RRP1B: variants seen among roughly 807,000 people sequenced by gnomAD.
The protein encoded by RRP1B is ribosomal RNA processing 1B, also known as ribosomal RNA processing protein 1 homolog B.
Under a neutral mutation model 80.2 loss-of-function variants are expected in RRP1B, and 56 were observed. The observed-to-expected ratio is 0.70, with a 90% CI of 0.56 to 0.87. The LOEUF is 0.87. RRP1B is among the 40% of genes least tolerant of loss of function. The pLI, the probability that RRP1B is intolerant of heterozygous loss-of-function variation, is 0.00. For synonymous variants in RRP1B, 351 were observed against 357.6 expected (o/e 0.98, Z 0.21); for missense variants, 807 against 939.8 (o/e 0.86, Z 1.85).
intron 13 of RRP1B, 121 bp from the exon 14 acceptor site, chr21:43,690,167 C>A: frequency 8.8e-7 from 1 of 1,134,524 alleles, no homozygotes; most frequent in Non-Finnish European, 1.2e-6. Flanking sequence ...TGCGGAAGAC[C>A]GCGGGCCGTC....
intron 8 of RRP1B, among the ~76,000 whole-genome samples, chr21:43,679,726 T>G (rs145741763): frequency 1.8e-4 from 28 of 152,372 alleles, no homozygotes; most frequent in Non-Finnish European, 3.8e-4. Flanking sequence ...CTTTTGCCAG[T>G]ATGGTCGTTT....
chr21:43,668,002 G>T (rs1245665212), intron 1 of RRP1B, among the ~76,000 whole-genome samples: 2 of 152,204 alleles, frequency 1.3e-5, no homozygotes, highest in Non-Finnish European at 2.9e-5. Flanking sequence ...GAGGTCAGGA[G>T]TTCCGGACCA....
At chr21:43,689,830 G>A (rs138580347) in intron 13 of RRP1B, among the ~76,000 whole-genome samples, 10 of 152,368 alleles carry the variant, frequency 6.6e-5, no homozygotes, top group East Asian at 1.9e-4. Context: ...TACGAGACCC[G>A]GTCTCTCTCT....
At chr21:43,673,696 T>C (rs997009905) in intron 3 of RRP1B, among the ~76,000 whole-genome samples, 174 bp from the exon 4 acceptor site, 3 of 150,420 alleles carry the variant, frequency 2.0e-5, no homozygotes, top group African/African-American at 7.3e-5. Flanking sequence ...AATAAATAAG[T>C]GTAAAAGAAA....
intron 14 of RRP1B, among the ~76,000 whole-genome samples, chr21:43,690,724 A>C (rs751898122): frequency 1.3e-5 from 2 of 152,200 alleles, no homozygotes; most frequent in Non-Finnish European, 2.9e-5. Context: ...TCTCTCGTGA[A>C]ATGTCACAGT....
chr21:43,674,235 C>T (rs1424252298), intron 4 of RRP1B, among the ~76,000 whole-genome samples: 3 of 152,224 alleles, frequency 2.0e-5, no homozygotes, highest in African/African-American at 2.4e-5. Context: ...CAGCTCACTG[C>T]GACCTCCGCC....
chr21:43,678,874 C>G (rs1482006629), intron 8 of RRP1B, among the ~76,000 whole-genome samples: 1 of 152,204 alleles, frequency 6.6e-6, no homozygotes, highest in Non-Finnish European at 1.5e-5. Context: ...CTAATGCTAT[C>G]TTCTACAATT....
rs544095372 is a variant in RRP1B, at chr21:43,669,812, C to G, written c.131-72C>G. Reference sequence around the variant, plus strand: ...AAAGAGAATTAAAATGTATGTGATACTTCACCACTTTCTAAACTTGAAGAA... The same window carrying G: ...AAAGAGAATTAAAATGTATGTGATAGTTCACCACTTTCTAAACTTGAAGAA... On this transcript the variant is annotated intron_variant, in intron 1 of 15. Coordinates refer to ENST00000340648, the MANE Select transcript of RRP1B (RefSeq NM_015056.3). 44 of 1,080,426 alleles carry G rather than the reference C, an allele frequency of 4.1e-5. No homozygotes were observed. The African/African-American group carries it at 6.8e-4, about 17-fold the overall frequency. The allele number at this position is 1,080,426 out of a possible 1,614,324, so 66.9% of individuals were successfully genotyped here. A position where few individuals can be genotyped will look rare whatever the true frequency, so the allele number is the denominator to read the frequency against.
intron 8 of RRP1B, among the ~76,000 whole-genome samples, chr21:43,680,436 T>C (rs2147170557): frequency 6.6e-6 from 1 of 151,958 alleles, no homozygotes; most frequent in East Asian, 1.9e-4. Flanking sequence ...TGGTGGCACA[T>C]GCCTGTAACC....
At position 43,661,655 on chromosome 21, in the gene RRP1B, A is replaced by G. The variant is rs538962409; in HGVS notation, c.130+1861A>G. 5.3e-3 allele frequency among the ~76,000 whole-genome samples: 800 copies of G among 152,344 alleles called. 9 individuals carry two copies. Among genetic ancestry groups the G allele is most frequent in the Non-Finnish European group, 8.9e-3 (604 of 68,030 alleles). ...GTGTCCCCAGGAATCTGTCCTCCAC[A>G]GACCAGCCCAGGGTCATCTTCCTAA... On this transcript the variant is annotated intron_variant, in intron 1 of 15. Transcript: ENST00000340648.
chr21:43,668,141 A>G (rs948258980), intron 1 of RRP1B, among the ~76,000 whole-genome samples: 6 of 151,466 alleles, frequency 4.0e-5, no homozygotes, highest in Non-Finnish European at 7.4e-5. Flanking sequence ...CCCAGGAGGC[A>G]GAGGTTGCAG....
chr21:43,674,067 T>G, intron 4 of RRP1B, 112 bp downstream of exon 4: 1 of 767,418 alleles, frequency 1.3e-6, no homozygotes, highest in Non-Finnish European at 2.0e-6. Context: ...AGGCTTAGTG[T>G]GAAGGAAGAA....
rs1340612756 is a variant in RRP1B, at chr21:43,659,910, G to T, written c.130+116G>T. The T allele has an allele frequency of 8.5e-7, 1 of 1,175,562 alleles. No individual in the cohort carries two copies. The highest frequency in any genetic ancestry group is 1.6e-5 in the African/African-American group (1 of 61,796). The allele number at this position is 1,175,562 out of a possible 1,614,324, so 72.8% of individuals were successfully genotyped here. On this transcript the variant is annotated intron_variant, in intron 1 of 15. Transcript: ENST00000340648. This position sits in a 1 kb window ranked among gnomAD's most constrained non-coding sequence, Gnocchi z 4.2. ...TCCACGTGTTGTCGTGACACCCAGC[G>T]TGTGCTTCGGTTTCCGCGCTGCCGG...
In RRP1B at chr21:43,691,586, G is replaced by T; in HGVS notation, c.2083+84G>T. The T allele has an allele frequency of 2.5e-6, 3 of 1,214,196 alleles. No homozygotes were observed. The highest frequency in any genetic ancestry group is 3.6e-6 in the Non-Finnish European group (3 of 823,312). The allele number at this position is 1,214,196 out of a possible 1,614,324, so 75.2% of individuals were successfully genotyped here. Reference sequence around the variant, plus strand: ...GGCTCGCAGCCTGGTTCCACAAGGCGGTCGGGGAAGAGGGGGGTCCTAGCT... The same window carrying T: ...GGCTCGCAGCCTGGTTCCACAAGGCTGTCGGGGAAGAGGGGGGTCCTAGCT... On this transcript the variant is annotated intron_variant, in intron 15 of 15. Coordinates refer to ENST00000340648, the MANE Select transcript of RRP1B (RefSeq NM_015056.3). This position sits in a 1 kb window ranked among gnomAD's most constrained non-coding sequence, Gnocchi z 4.2.
In RRP1B at chr21:43,693,443, C is replaced by A; in HGVS notation, c.*60C>A. ...GTACAGAATGCGCTATAAATTATAC[C>A]TTTAAGAATGTGGGGCCTTTTTTAT... On this transcript the variant is annotated 3_prime_UTR_variant, in exon 16 of 16. Transcript: ENST00000340648. The surrounding 1 kb of genome is among the most constrained non-coding windows in gnomAD (Gnocchi z 4.1). 7.1e-7 allele frequency: 1 copy of A among 1,408,790 alleles called. No individual in the cohort carries two copies. Among genetic ancestry groups the A allele is most frequent in the East Asian group, 2.6e-5 (1 of 38,152 alleles). The allele number at this position is 1,408,790 out of a possible 1,614,324, so 87.3% of individuals were successfully genotyped here. A position where few individuals can be genotyped will look rare whatever the true frequency, so the allele number is the denominator to read the frequency against.
At chr21:43,673,629 G>A (rs1334295629) in intron 3 of RRP1B, among the ~76,000 whole-genome samples, 4 of 130,118 alleles carry the variant, frequency 3.1e-5, no homozygotes, top group Non-Finnish European at 4.8e-5. Context: ...GTGGGACCCC[G>A]TCTCCAAAAA....
intron 8 of RRP1B, among the ~76,000 whole-genome samples, chr21:43,680,972 G>A (rs1345335258): frequency 6.6e-6 from 1 of 152,186 alleles, no homozygotes. Context: ...GGTTGCAGTG[G>A]CTCATGCCTA....
At chr21:43,666,087 CTG>C (rs1035881615) in intron 1 of RRP1B, among the ~76,000 whole-genome samples, 26 of 152,204 alleles carry the variant, frequency 1.7e-4, no homozygotes, top group African/African-American at 6.3e-4. Flanking sequence ...TGGAGGGACT[CTG>C]TGGTCTGGGT....
At chr21:43,664,864 T>C (rs1034589843) in intron 1 of RRP1B, among the ~76,000 whole-genome samples, 17 of 152,120 alleles carry the variant, frequency 1.1e-4, no homozygotes, top group Non-Finnish European at 1.9e-4. Flanking sequence ...CCGTTAGATC[T>C]CATGAGACTT....
Sources: allele counts gnomAD v4.1 joint callset (sites outside exome capture counted in the v4.1 genomes callset), GRCh38; gene constraint gnomAD v4.1.1; non-coding constraint Gnocchi (gnomAD v3.1); transcripts MANE v1.5; gene names NCBI Gene and HGNC (gene_info 2026-07-23, HGNC 2026-07-21).